Variants in ZNF282 observed in about 807,000 individuals in gnomAD.
The protein encoded by ZNF282 is HTLV-I U5 repressive element-binding protein 1.
Under a neutral mutation model 61.9 loss-of-function variants are expected in ZNF282, and 30 were observed. The ratio of observed to expected loss-of-function variants is 0.48; its 90% CI spans 0.36 to 0.66. The LOEUF (loss-of-function observed/expected upper bound fraction) is 0.66. ZNF282 is among the 30% of genes least tolerant of loss of function. The pLI, the probability that ZNF282 is intolerant of heterozygous loss-of-function variation, is 0.00. For missense variants in ZNF282, 788 were observed against 941.4 expected (o/e 0.84, Z 2.13); for synonymous variants, 396 against 405.0 (o/e 0.98, Z 0.27).
Position 149,197,028 on chromosome 7 carries a change from A to G in ZNF282, c.165+1274A>G, listed in dbSNP as rs535280153. On this transcript the variant is annotated intron_variant, in intron 1 of 7. Transcript: ENST00000610704. Reference sequence around the variant, plus strand: ...CCTCTTCCTGTCCCAGGTGTGAAGGAGAGTCGGCTGCCAGCCCATGTGGTC... The same window carrying G: ...CCTCTTCCTGTCCCAGGTGTGAAGGGGAGTCGGCTGCCAGCCCATGTGGTC... Among the ~76,000 whole-genome samples the G allele has an allele frequency of 9.2e-5, 14 of 152,306 alleles. No individual in the cohort carries two copies. The South Asian group carries it at 2.9e-3, about 32-fold the overall frequency.
At chr7:149,204,532 A>T (rs887512143) in intron 2 of ZNF282, among the ~76,000 whole-genome samples, 3 of 152,090 alleles carry the variant, frequency 2.0e-5, no homozygotes, top group African/African-American at 7.2e-5. Context: ...GACTTAGATT[A>T]AGCTTCACAG....
intron 1 of ZNF282, among the ~76,000 whole-genome samples, chr7:149,196,122 G>T (rs1795812917): frequency 6.6e-6 from 1 of 152,070 alleles, no homozygotes; most frequent in African/African-American, 2.4e-5. Flanking sequence ...AGAGCTTCGC[G>T]GGCAGTGCTT....
At chr7:149,214,550 C>G (rs1228470072) in intron 7 of ZNF282, among the ~76,000 whole-genome samples, 1 of 152,132 alleles carries the variant, frequency 6.6e-6, no homozygotes, top group African/African-American at 2.4e-5. Context: ...ACTAGCCAGG[C>G]TGCACACGGT....
At chr7:149,218,321 C>G (rs1796190559) in intron 7 of ZNF282, among the ~76,000 whole-genome samples, 1 of 152,052 alleles carries the variant, frequency 6.6e-6, no homozygotes, top group African/African-American at 2.4e-5. Context: ...GATTCAGATG[C>G]ACTTTGAGAG....
Position 149,198,311 on chromosome 7 carries a change from C to CA in ZNF282, c.166-22_166-21insA. 3 of 1,576,178 alleles carry CA rather than the reference C, an allele frequency of 1.9e-6. No homozygotes were observed. Among genetic ancestry groups the CA allele is most frequent in the Non-Finnish European group, 2.6e-6 (3 of 1,158,756 alleles). ...CACACAAGGTCTCATCCTGGGTTGT[C>CA]GCTTTCTCCCTCTGCATACAGGCTC... On this transcript the variant is annotated intron_variant, in intron 1 of 7. Coordinates refer to ENST00000610704, the MANE Select transcript of ZNF282 (RefSeq NM_003575.4). This position sits in a 1 kb window ranked among gnomAD's most constrained non-coding sequence, Gnocchi z 4.3.
At chr7:149,208,672 A>C (rs546421054) in intron 4 of ZNF282, among the ~76,000 whole-genome samples, 12 of 152,104 alleles carry the variant, frequency 7.9e-5, no homozygotes, top group Non-Finnish European at 1.3e-4. Flanking sequence ...AGTGGCTCAC[A>C]AAGTCATGCA....
At position 149,205,221 on chromosome 7, in the gene ZNF282, C is replaced by T. The variant is rs147143665; in HGVS notation, c.586-1475C>T. On this transcript the variant is annotated intron_variant, in intron 2 of 7. Coordinates refer to ENST00000610704, the MANE Select transcript of ZNF282 (RefSeq NM_003575.4). ...TTGGGAGGCTGAGGTGGGTGGATTA[C>T]AAGGTCAGGAGTTTGAGACCAGCCT... Among the ~76,000 whole-genome samples the T allele has an allele frequency of 8.6e-4, 131 of 152,154 alleles. 1 individual carries two copies. The highest frequency in any genetic ancestry group is 4.1e-4 in the Non-Finnish European group (28 of 68,008).
intron 2 of ZNF282, 199 bp from the exon 3 acceptor site, chr7:149,206,497 G>T (rs1386697398): frequency 4.2e-6 from 3 of 710,108 alleles, no homozygotes; most frequent in African/African-American, 3.5e-5. Context: ...AGGCAGGGTT[G>T]ACCATCCGTG....
chr7:149,208,327 C>T (rs562874398), intron 4 of ZNF282, among the ~76,000 whole-genome samples: 8 of 152,086 alleles, frequency 5.3e-5, no homozygotes, highest in Non-Finnish European at 8.8e-5. Flanking sequence ...CTCAGCCTCC[C>T]GAGTAGCTGG....
chr7:149,205,494 C>G (rs1020622802), intron 2 of ZNF282, among the ~76,000 whole-genome samples: 1 of 151,870 alleles, frequency 6.6e-6, no homozygotes, highest in Non-Finnish European at 1.5e-5. Context: ...ATTAATTTTC[C>G]CAGGTTGGGG....
intron 7 of ZNF282, among the ~76,000 whole-genome samples, chr7:149,222,714 C>T (rs1032062907): frequency 7.9e-5 from 12 of 152,202 alleles, no homozygotes; most frequent in Admixed American, 2.6e-4. Context: ...GTGGCAGGAT[C>T]TCAGCTCACT....
In ZNF282 at chr7:149,214,028, G is replaced by A. The variant is rs369266911; in HGVS notation, c.1180+214G>A. Among the ~76,000 whole-genome samples the A allele has an allele frequency of 2.6e-5, 4 of 152,298 alleles. No individual in the cohort carries two copies. The East Asian group carries it at 5.8e-4, about 22-fold the overall frequency. On this transcript the variant is annotated intron_variant, in intron 7 of 7. Coordinates refer to ENST00000610704, the MANE Select transcript of ZNF282 (RefSeq NM_003575.4). ...GGACTGTCATAACAGGGTACCACAG[G>A]CTGGGCAGCTTCAACAATAGAAATT...
At chr7:149,221,216 G>C (rs745796718) in intron 7 of ZNF282, among the ~76,000 whole-genome samples, 1 of 152,202 alleles carries the variant, frequency 6.6e-6, no homozygotes, top group South Asian at 2.1e-4. Flanking sequence ...ACAGTGCCTG[G>C]CCAGCTTGTG....
At chr7:149,209,046 C>T (rs1157698528) in intron 4 of ZNF282, among the ~76,000 whole-genome samples, 3 of 121,638 alleles carry the variant, frequency 2.5e-5, no homozygotes, top group Non-Finnish European at 3.6e-5. Context: ...GGGCCGGGCG[C>T]GGTGGCTCAC....
At chr7:149,200,194 G>A (rs1183929782) in intron 2 of ZNF282, among the ~76,000 whole-genome samples, 1 of 152,076 alleles carries the variant, frequency 6.6e-6, no homozygotes, top group Non-Finnish European at 1.5e-5. Context: ...GTCCCCTGTG[G>A]TCTCATTTAA....
chr7:149,215,195 A>ATTTTTTTTTTTTTTTT (rs36096302), intron 7 of ZNF282, among the ~76,000 whole-genome samples: 1 of 90,660 alleles, frequency 1.1e-5, no homozygotes, highest in Admixed American at 1.5e-4. Context: ...ATTTCCTGAC[A>ATTTTTTTTTTTTTTTT]TTTTTTTTTT....
At chr7:149,211,749 A>G (rs1585568968) in intron 5 of ZNF282, among the ~76,000 whole-genome samples, 1 of 152,166 alleles carries the variant, frequency 6.6e-6, no homozygotes, top group African/African-American at 2.4e-5. Context: ...GTCTGGGTAG[A>G]GGAAAGCCCG....
chr7:149,196,017 G>A (rs1563173261), intron 1 of ZNF282, among the ~76,000 whole-genome samples: 1 of 151,460 alleles, frequency 6.6e-6, no homozygotes, highest in Non-Finnish European at 1.5e-5. Context: ...AGGCCCCGCG[G>A]GGCGGGGGCC....
At chr7:149,204,857 G>A (rs1267354117) in intron 2 of ZNF282, among the ~76,000 whole-genome samples, 1 of 152,108 alleles carries the variant, frequency 6.6e-6, no homozygotes, top group Non-Finnish European at 1.5e-5. Context: ...GGTGGCTCAC[G>A]CCTGTAATAC....
Sources: allele counts gnomAD v4.1 joint callset (sites outside exome capture counted in the v4.1 genomes callset), GRCh38; gene constraint gnomAD v4.1.1; non-coding constraint Gnocchi (gnomAD v3.1); transcripts MANE v1.5; gene names NCBI Gene and HGNC (gene_info 2026-07-23, HGNC 2026-07-21).